Variants in PLEKHA6 observed in about 807,000 individuals in gnomAD.
PLEKHA6 encodes pleckstrin homology domain-containing family A member 6.
A neutral mutation model predicts 116.7 loss-of-function variants in PLEKHA6; 60 were observed. The ratio of observed to expected loss-of-function variants is 0.51; its 90% CI spans 0.42 to 0.64. The LOEUF (loss-of-function observed/expected upper bound fraction) is 0.64. Among genes scored for constraint, PLEKHA6 ranks in the 30% least tolerant of loss-of-function variants. The probability of loss-of-function intolerance (pLI) is 0.00; values close to 1 mark genes in which losing one functional copy is unlikely to be tolerated. For missense variants in PLEKHA6, 1,338 were observed against 1,422.7 expected (o/e 0.94, Z 0.96); for synonymous variants, 489 against 556.1 (o/e 0.88, Z 1.70).
chr1:204,250,361 T>C (rs1664369920), intron 10 of PLEKHA6, among the ~76,000 whole-genome samples, 185 bp downstream of exon 10: 2 of 150,548 alleles, frequency 1.3e-5, no homozygotes, highest in South Asian at 4.2e-4. Flanking sequence ...GAGGAGGAGG[T>C]AGGCAGAATC....
At chr1:204,299,586 G>C in intron 1 of PLEKHA6, 1 of 973,336 alleles carries the variant, frequency 1.0e-6, no homozygotes, top group Non-Finnish European at 1.2e-6. Context: ...CCAGAGGACA[G>C]CCATTATTGA....
chr1:204,376,278 C>T (rs528407421), intron 1 of PLEKHA6, among the ~76,000 whole-genome samples: 1 of 152,184 alleles, frequency 6.6e-6, no homozygotes, highest in African/African-American at 2.4e-5. Context: ...AATTCACATT[C>T]TAAGACCCTA....
chr1:204,241,868 G>A, intron 15 of PLEKHA6, 54 bp from the exon 16 acceptor site: 1 of 1,588,636 alleles, frequency 6.3e-7, no homozygotes, highest in Non-Finnish European at 8.6e-7. Context: ...TCAGGAACTT[G>A]GCCCCCAGTG....
At chr1:204,237,273 C>G (rs1183410682) in intron 17 of PLEKHA6, among the ~76,000 whole-genome samples, 1 of 152,156 alleles carries the variant, frequency 6.6e-6, no homozygotes, top group Non-Finnish European at 1.5e-5. Context: ...TGGAAGAACC[C>G]CCACATTGGC....
At chr1:204,308,906 G>A (rs995994182) in intron 1 of PLEKHA6, 3 of 156,096 alleles carry the variant, frequency 1.9e-5, no homozygotes, top group East Asian at 3.9e-4. Context: ...AGCCAGGATG[G>A]TCTCGATCTC....
chr1:204,225,710 T>C (rs1660260910), intron 21 of PLEKHA6, among the ~76,000 whole-genome samples: 1 of 152,220 alleles, frequency 6.6e-6, no homozygotes, highest in Admixed American at 6.5e-5. Context: ...ATATACCACC[T>C]GGATTCATAA....
intron 1 of PLEKHA6, among the ~76,000 whole-genome samples, chr1:204,325,220 GT>G (rs1672200740): frequency 6.6e-6 from 1 of 152,170 alleles, no homozygotes; most frequent in Non-Finnish European, 1.5e-5. Flanking sequence ...TTACTTCCCA[GT>G]TATCTACAAG....
In PLEKHA6 at chr1:204,238,002, G is replaced by A. The variant is rs1662301864; in HGVS notation, c.2409+3373C>T. Among the ~76,000 whole-genome samples, 2 of 152,186 alleles carry A rather than the reference G, an allele frequency of 1.3e-5. No individual in the cohort carries two copies. ...GGTACAGTGGTATGGGGCCTGTTGA[G>A]ATATTCCTTCTAAGGCGAAGGATAT... On this transcript the variant is annotated intron_variant, in intron 17 of 22. Transcript: ENST00000272203. The surrounding 1 kb of genome is among the most constrained non-coding windows in gnomAD (Gnocchi z 4.2).
At chr1:204,343,530 G>A (rs1010279665) in intron 1 of PLEKHA6, among the ~76,000 whole-genome samples, 2 of 152,058 alleles carry the variant, frequency 1.3e-5, no homozygotes, top group African/African-American at 4.8e-5. Context: ...CTTCCCCACT[G>A]GGTTATACGC....
intron 1 of PLEKHA6, among the ~76,000 whole-genome samples, chr1:204,343,013 G>A (rs1672900766): frequency 6.6e-6 from 1 of 152,146 alleles, no homozygotes; most frequent in Non-Finnish European, 1.5e-5. Flanking sequence ...CCAATGTGAG[G>A]GGAGGCTTTG....
At chr1:204,237,101 TA>T (rs1326121187) in intron 17 of PLEKHA6, among the ~76,000 whole-genome samples, 1 of 152,192 alleles carries the variant, frequency 6.6e-6, no homozygotes, top group Non-Finnish European at 1.5e-5. Flanking sequence ...CCCAAAACGT[TA>T]TTGTGGTCCT....
rs767241379 is a variant in PLEKHA6, at chr1:204,245,714, T to C, written c.1933A>G (p.Asn645Asp). The change falls in exon 14 of 23, where the codon AAC becomes GAC. Residue 645 changes from asparagine to aspartate, a missense_variant. By Grantham distance (23) the Asn-to-Asp change is conservative (BLOSUM62 1). Around this residue, in one of 3 missense-constraint regions of PLEKHA6, gnomAD observed 1,136 missense variants for 1,163.6 expected, o/e 0.98. Transcript: ENST00000272203. Reference sequence around the variant, plus strand: ...CAGATCTCCTTTTGGATTTGCCGGTTCAGCACCTCATTCTGAAGCAGCCAC... The same window carrying C: ...CAGATCTCCTTTTGGATTTGCCGGTCCAGCACCTCATTCTGAAGCAGCCAC... The part of the protein sequence containing the change: ...LNLDTQNEVL[N>D]RQIQKEIWRI... The C allele has an allele frequency of 6.2e-7, 1 of 1,611,620 alleles. No homozygotes were observed. Among genetic ancestry groups the C allele is most frequent in the Admixed American group, 1.7e-5 (1 of 59,998 alleles).
chr1:204,244,790 G>T, intron 15 of PLEKHA6, 74 bp downstream of exon 15: 1 of 1,191,770 alleles, frequency 8.4e-7, no homozygotes, highest in Non-Finnish European at 1.2e-6. Flanking sequence ...GGGCACAGAA[G>T]TTGTATAGTT....
chr1:204,354,745 C>T (rs546712145), intron 1 of PLEKHA6, among the ~76,000 whole-genome samples: 3 of 152,332 alleles, frequency 2.0e-5, no homozygotes, highest in South Asian at 2.1e-4. Flanking sequence ...AGCTAACATA[C>T]GGATCATAAT....
rs1204441026 is a variant in PLEKHA6, at chr1:204,228,416, C to T, written c.2886-188G>A. Among the ~76,000 whole-genome samples the T allele has an allele frequency of 6.6e-6, 1 of 152,114 alleles. No individual in the cohort carries two copies. Among genetic ancestry groups the T allele is most frequent in the Admixed American group, 6.5e-5 (1 of 15,276 alleles). On this transcript the variant is annotated intron_variant, in intron 20 of 22. Coordinates refer to ENST00000272203, the MANE Select transcript of PLEKHA6 (RefSeq NM_014935.5). The surrounding 1 kb of genome is among the most constrained non-coding windows in gnomAD (Gnocchi z 4.0). Reference sequence around the variant, plus strand: ...AAACACAGGTTGGGACCCCTACCTTCAATGTTCTCAAATGAATTAAAAGGT... The same window carrying T: ...AAACACAGGTTGGGACCCCTACCTTTAATGTTCTCAAATGAATTAAAAGGT...
intron 1 of PLEKHA6, among the ~76,000 whole-genome samples, chr1:204,283,244 G>A (rs763627553): frequency 7.9e-5 from 12 of 151,218 alleles, no homozygotes; most frequent in Non-Finnish European, 1.5e-4. Context: ...TTATGAAGCT[G>A]GCTGATCTCT....
At chr1:204,280,596 A>G (rs2102957329) in intron 1 of PLEKHA6, 1 of 292,984 alleles carries the variant, frequency 3.4e-6, no homozygotes, top group Middle Eastern at 1.7e-3. Flanking sequence ...AGAGGTTTGC[A>G]TGCAAGGCAA....
chr1:204,258,572 G>A (rs1373161785), intron 8 of PLEKHA6, among the ~76,000 whole-genome samples: 2 of 152,220 alleles, frequency 1.3e-5, no homozygotes, highest in Non-Finnish European at 1.5e-5. Flanking sequence ...TAGAGGGCAG[G>A]TTCCTCCCGG....
rs373454803 is a variant in PLEKHA6, at chr1:204,228,207, G to A, written c.2907C>T (p.Ile969=). ...AKSSMQNVVP[I]GEGDSVDVPQ... is the part of the protein sequence containing the mutation. The stretch of plus-strand genomic sequence containing the variant: ...GCACGTCCACAGAGTCCCCCTCGCC[G>A]ATGGGCACCACGTTCTGCATACTGA... Residue 969 remains isoleucine, a synonymous_variant, in exon 21 of 23, where the codon ATC becomes ATT. Transcript: ENST00000272203. The surrounding 1 kb of genome is among the most constrained non-coding windows in gnomAD (Gnocchi z 4.0). The A allele has an allele frequency of 5.0e-6, 8 of 1,609,206 alleles. No homozygotes were observed. The highest frequency in any genetic ancestry group is 5.1e-6 in the Non-Finnish European group (6 of 1,176,978).
Sources: gnomAD v4.1 joint callset for allele counts (sites outside exome capture counted in the v4.1 genomes callset) on GRCh38, gnomAD v4.1.1 for gene constraint, gnomAD v4.1.1 regional missense constraint, Gnocchi (gnomAD v3.1) non-coding constraint, MANE v1.5 for transcripts, NCBI Gene and HGNC (gene_info 2026-07-23, HGNC 2026-07-21) for gene names.